The following ABTB3 variants were observed in gnomAD, a reference collection of about 807,000 sequenced individuals.
The protein encoded by ABTB3 is ankyrin repeat- and BTB/POZ domain-containing protein 3.
chr12:107,421,755 G>C, the ABTB3 span, among the ~76,000 whole-genome samples: 17 of 152,328 alleles, frequency 1.1e-4, no homozygotes, highest in East Asian at 3.3e-3. Context: ...CTAGAGGTGA[G>C]CTGATCTTTG....
At chr12:107,382,910 A>G in the ABTB3 span, among the ~76,000 whole-genome samples, 3 of 152,100 alleles carry the variant, frequency 2.0e-5, no homozygotes, top group Admixed American at 1.3e-4. Flanking sequence ...AAAGTATAAT[A>G]ATAATTAAAA....
chr12:107,569,896 C>T, the ABTB3 span, among the ~76,000 whole-genome samples: 1 of 152,216 alleles, frequency 6.6e-6, no homozygotes, highest in Admixed American at 6.5e-5. Flanking sequence ...AAGTGGCTTC[C>T]ACCGCATGGT....
the ABTB3 span, among the ~76,000 whole-genome samples, chr12:107,403,063 G>A: frequency 6.6e-6 from 1 of 152,146 alleles, no homozygotes; most frequent in African/African-American, 2.4e-5. Context: ...GGCTCCCACA[G>A]GCCTCGGACC....
chr12:107,627,944 A>T, the ABTB3 span, among the ~76,000 whole-genome samples: 2 of 152,228 alleles, frequency 1.3e-5, no homozygotes, highest in Admixed American at 6.5e-5. Flanking sequence ...AGTAGAAGGG[A>T]CACATCAAAG....
At chr12:107,454,435 G>C in the ABTB3 span, among the ~76,000 whole-genome samples, 1 of 152,222 alleles carries the variant, frequency 6.6e-6, no homozygotes, top group East Asian at 1.9e-4. Flanking sequence ...ACCTATTAAG[G>C]GTTAGGGGGG....
chr12:107,429,786 T>G, the ABTB3 span, among the ~76,000 whole-genome samples: 1 of 152,244 alleles, frequency 6.6e-6, no homozygotes, highest in African/African-American at 2.4e-5. Flanking sequence ...GTCAGTGTTC[T>G]GTGGATAGGC....
the ABTB3 span, among the ~76,000 whole-genome samples, chr12:107,387,972 CTTTT>C: frequency 8.3e-6 from 1 of 120,202 alleles, no homozygotes; most frequent in African/African-American, 3.3e-5. Flanking sequence ...TCTTCTTCTT[CTTTT>C]TTTTTTTTTT....
At chr12:107,552,939 G>T in the ABTB3 span, among the ~76,000 whole-genome samples, 1 of 152,198 alleles carries the variant, frequency 6.6e-6, no homozygotes, top group African/African-American at 2.4e-5. Flanking sequence ...ACAGAGCTGG[G>T]CCTGAAACCT....
chr12:107,402,164 A>AGTACCAACC, the ABTB3 span, among the ~76,000 whole-genome samples: 1 of 152,228 alleles, frequency 6.6e-6, no homozygotes, highest in Admixed American at 6.5e-5. Context: ...TCTTAGTAGT[A>AGTACCAACC]GTACCAACCC....
chr12:107,465,671 T>C, the ABTB3 span, among the ~76,000 whole-genome samples: 1 of 152,112 alleles, frequency 6.6e-6, no homozygotes, highest in African/African-American at 2.4e-5. Context: ...TGGCTGCCCT[T>C]CATCACTAGG....
At chr12:107,587,387 G>T in the ABTB3 span, among the ~76,000 whole-genome samples, 1 of 152,188 alleles carries the variant, frequency 6.6e-6, no homozygotes, top group Non-Finnish European at 1.5e-5. Context: ...GAGGAAGGCA[G>T]GAGCAGTGAG....
chr12:107,584,208 A>T, the ABTB3 span, among the ~76,000 whole-genome samples: 1 of 152,240 alleles, frequency 6.6e-6, no homozygotes, highest in Non-Finnish European at 1.5e-5. Context: ...GGATCAAAGA[A>T]GTTTTGTTCA....
At chr12:107,384,528 G>A in the ABTB3 span, among the ~76,000 whole-genome samples, 5 of 152,174 alleles carry the variant, frequency 3.3e-5, no homozygotes, top group African/African-American at 7.2e-5. Context: ...AGAGGTGCCC[G>A]AAGGAAACTT....
chr12:107,653,516 C>CA, the ABTB3 span, among the ~76,000 whole-genome samples: 1,917 of 112,674 alleles, frequency 0.017, 31 homozygotes, highest in African/African-American at 0.044. Flanking sequence ...GACTCTGTCT[C>CA]AAAAAAAAAA....
At chr12:107,482,922 T>C in the ABTB3 span, among the ~76,000 whole-genome samples, 704 of 28,282 alleles carry the variant, frequency 0.025, 10 homozygotes, top group African/African-American at 0.12. Context: ...TCTTCTTTCT[T>C]TCTTTCTTTC....
the ABTB3 span, among the ~76,000 whole-genome samples, chr12:107,371,525 T>C: frequency 6.6e-6 from 1 of 152,204 alleles, no homozygotes; most frequent in African/African-American, 2.4e-5. Context: ...AAGTCTGGCC[T>C]AGACTTTTGT....
chr12:107,420,414 G>A, the ABTB3 span, among the ~76,000 whole-genome samples: 2 of 152,170 alleles, frequency 1.3e-5, no homozygotes, highest in African/African-American at 2.4e-5. Context: ...AAGAGCAAAG[G>A]CATGTCTTAC....
chr12:107,510,045 G>A, the ABTB3 span, among the ~76,000 whole-genome samples: 4 of 152,190 alleles, frequency 2.6e-5, no homozygotes, highest in Non-Finnish European at 4.4e-5. Flanking sequence ...TACAGAGGGA[G>A]AAATACACTC....
At chr12:107,544,135 G>A in the ABTB3 span, 2 of 1,613,844 alleles carry the variant, frequency 1.2e-6, no homozygotes, top group Non-Finnish European at 1.7e-6. Context: ...CCTCCAGGTG[G>A]AAAGGTAAGA....
Sources: gnomAD v4.1 joint callset for allele counts (sites outside exome capture counted in the v4.1 genomes callset) on GRCh38, gnomAD v4.1.1 for gene constraint, MANE v1.5 for transcripts, NCBI Gene and HGNC (gene_info 2026-07-23, HGNC 2026-07-21) for gene names.